The following GLIS3 variants were observed in gnomAD, a reference collection of about 807,000 sequenced individuals.
The protein encoded by GLIS3 is GLIS family zinc finger 3.
In GLIS3, 53 loss-of-function variants were observed where a neutral mutation model predicts 78.6. The ratio of observed to expected loss-of-function variants is 0.67; its 90% CI spans 0.54 to 0.85. The LOEUF is 0.85. Among genes scored for constraint, GLIS3 ranks in the 40% least tolerant of loss-of-function variants. The pLI is 0.00. For synonymous variants in GLIS3, 684 were observed against 509.9 expected, an observed-to-expected ratio of 1.34 and a Z score of -4.60; for missense variants, 1,703 against 1,231.1, an observed-to-expected ratio of 1.38 and a Z score of -5.74.
chr9:4,208,163 A>T (rs191073993), intron 2 of GLIS3, among the ~76,000 whole-genome samples: 106 of 152,336 alleles, frequency 7.0e-4, no homozygotes, highest in Admixed American at 2.0e-3. Context: ...GACAAAGCAG[A>T]TTCTTGCCAC....
chr9:3,858,436 A>C (rs1043544590), intron 8 of GLIS3, among the ~76,000 whole-genome samples: 2 of 152,194 alleles, frequency 1.3e-5, no homozygotes, highest in African/African-American at 4.8e-5. Flanking sequence ...TAAAGAAAAA[A>C]ATATGATAGG....
At chr9:4,349,279 T>TGCATA (rs1817932361), upstream of GLIS3, among the ~76,000 whole-genome samples, 1 of 152,246 alleles carries the variant, frequency 6.6e-6, no homozygotes, top group Non-Finnish European at 1.5e-5. Context: ...TAATGTTATT[T>TGCATA]AAATATTTTA....
chr9:4,173,072 C>T (rs1001873253), intron 2 of GLIS3, among the ~76,000 whole-genome samples: 1 of 152,154 alleles, frequency 6.6e-6, no homozygotes, highest in Non-Finnish European at 1.5e-5. Context: ...ACATTCCACC[C>T]GTGGAGTTGG....
chr9:4,098,148 C>G (rs1403635512), intron 4 of GLIS3, among the ~76,000 whole-genome samples: 2 of 152,198 alleles, frequency 1.3e-5, no homozygotes, highest in African/African-American at 4.8e-5. Flanking sequence ...TCCCATCTCT[C>G]AGGATCTCAC....
At chr9:4,366,140 A>G in the GLIS3 span, among the ~76,000 whole-genome samples, 2 of 152,210 alleles carry the variant, frequency 1.3e-5, no homozygotes, top group Non-Finnish European at 2.9e-5. Context: ...GAGGATATAA[A>G]GGGAAATGTG....
chr9:4,390,871 G>T, the GLIS3 span, among the ~76,000 whole-genome samples: 1 of 152,202 alleles, frequency 6.6e-6, no homozygotes, highest in Non-Finnish European at 1.5e-5. Flanking sequence ...GCAGTAGAGA[G>T]CTGGAGGCAG....
chr9:4,043,252 G>A (rs753301889), intron 4 of GLIS3, among the ~76,000 whole-genome samples: 8 of 151,940 alleles, frequency 5.3e-5, no homozygotes, highest in Non-Finnish European at 8.8e-5. Context: ...GCCAGAGGTG[G>A]TTCTGTCAGA....
chr9:4,243,934 T>A (rs1031656850), intron 2 of GLIS3, among the ~76,000 whole-genome samples: 1 of 152,232 alleles, frequency 6.6e-6, no homozygotes, highest in Non-Finnish European at 1.5e-5. Flanking sequence ...ACATGACTAT[T>A]CCACTTTTTT....
chr9:4,107,355 C>G (rs984351117), intron 4 of GLIS3, among the ~76,000 whole-genome samples: 3 of 152,122 alleles, frequency 2.0e-5, no homozygotes, highest in African/African-American at 4.8e-5. Flanking sequence ...GGTCATGTGA[C>G]TGAGTGCTGC....
At chr9:3,848,438 G>T (rs1165594463) in intron 9 of GLIS3, among the ~76,000 whole-genome samples, 1 of 152,190 alleles carries the variant, frequency 6.6e-6, no homozygotes, top group Admixed American at 6.5e-5. Context: ...GGAGGCGGAG[G>T]TTGCCGTGAG....
intron 4 of GLIS3, among the ~76,000 whole-genome samples, chr9:4,110,533 G>T (rs1295521795): frequency 6.6e-6 from 1 of 152,114 alleles, no homozygotes; most frequent in South Asian, 2.1e-4. Context: ...AAACACACAG[G>T]TTTCATTCCA....
chr9:4,403,379 A>C, the GLIS3 span, among the ~76,000 whole-genome samples: 1 of 152,188 alleles, frequency 6.6e-6, no homozygotes, highest in South Asian at 2.1e-4. Context: ...TAAAAAACTC[A>C]CTGGTAATAG....
chr9:4,416,659 T>G, the GLIS3 span, among the ~76,000 whole-genome samples: 1 of 152,144 alleles, frequency 6.6e-6, no homozygotes, highest in Non-Finnish European at 1.5e-5. Context: ...AGTATTTGGC[T>G]GTTTGGCTGG....
At chr9:4,073,463 C>G (rs1827783235) in intron 4 of GLIS3, among the ~76,000 whole-genome samples, 1 of 152,168 alleles carries the variant, frequency 6.6e-6, no homozygotes, top group Admixed American at 6.5e-5. Flanking sequence ...GAAAGTCACT[C>G]ATAAGTGGAT....
At chr9:3,894,508 T>C (rs1822686691) in intron 7 of GLIS3, among the ~76,000 whole-genome samples, 1 of 152,112 alleles carries the variant, frequency 6.6e-6, no homozygotes, top group African/African-American at 2.4e-5. Flanking sequence ...TAAAATGAAA[T>C]AGTAACTATT....
At chr9:4,470,148 G>T in the GLIS3 span, among the ~76,000 whole-genome samples, 1 of 152,142 alleles carries the variant, frequency 6.6e-6, no homozygotes, top group Non-Finnish European at 1.5e-5. Flanking sequence ...GGACCAGACG[G>T]ATTCACAGCC....
At chr9:4,117,709 C>A (rs1484226611) in intron 4 of GLIS3, 59 bp downstream of exon 4, 1 of 1,603,164 alleles carries the variant, frequency 6.2e-7, no homozygotes, top group Non-Finnish European at 8.5e-7. Flanking sequence ...AAAAAACACA[C>A]GTACGCAAAG....
intron 4 of GLIS3, among the ~76,000 whole-genome samples, chr9:4,012,223 G>C (rs1289249448): frequency 7.9e-5 from 12 of 152,146 alleles, no homozygotes; most frequent in African/African-American, 2.9e-4. Flanking sequence ...CCATAGCTCA[G>C]ATGTCTCTAC....
At chr9:3,933,439 T>C (rs1398904392) in intron 5 of GLIS3, among the ~76,000 whole-genome samples, 1 of 152,238 alleles carries the variant, frequency 6.6e-6, no homozygotes, top group Non-Finnish European at 1.5e-5. Flanking sequence ...ATTTCTGTTA[T>C]GACCCTTAAA....
Sources: allele counts gnomAD v4.1 joint callset (sites outside exome capture counted in the v4.1 genomes callset), GRCh38; gene constraint gnomAD v4.1.1; transcripts MANE v1.5; gene names NCBI Gene and HGNC (gene_info 2026-07-23, HGNC 2026-07-21).